The following SCAPER variants were observed in gnomAD, a reference collection of about 807,000 sequenced individuals.
The protein encoded by SCAPER is S-phase cyclin A associated protein in the ER.
SCAPER carries 98 observed loss-of-function variants against 182.2 expected under a neutral mutation model. The observed-to-expected ratio is 0.54, with a 90% CI of 0.46 to 0.64. The LOEUF (loss-of-function observed/expected upper bound fraction) is 0.64. Among genes scored for constraint, SCAPER ranks in the 30% least tolerant of loss-of-function variants. The pLI, the probability that SCAPER is intolerant of heterozygous loss-of-function variation, is 0.00. For synonymous variants in SCAPER, 605 were observed against 564.6 expected (o/e 1.07, Z -1.01); for missense variants, 1,432 against 1,690.0 (o/e 0.85, Z 2.68).
At chr15:76,379,645 C>T (rs1337745990) in intron 28 of SCAPER, 1 of 151,452 alleles carries the variant, frequency 6.6e-6, no homozygotes, top group Non-Finnish European at 1.5e-5. Context: ...TAGTTGGGCA[C>T]AAAGGATTCC....
chr15:76,787,278 A>C (rs1160233511), intron 8 of SCAPER, among the ~76,000 whole-genome samples: 2 of 152,218 alleles, frequency 1.3e-5, no homozygotes, highest in Admixed American at 1.3e-4. Context: ...GGAACAAAAA[A>C]CATATGAAAC....
chr15:76,446,315 C>T (rs191170007), intron 25 of SCAPER, among the ~76,000 whole-genome samples: 5 of 152,018 alleles, frequency 3.3e-5, no homozygotes, highest in Non-Finnish European at 7.4e-5. Flanking sequence ...ACTAAACAAG[C>T]GTGATGGAAG....
intron 26 of SCAPER, among the ~76,000 whole-genome samples, chr15:76,418,884 A>T (rs1384554117): frequency 6.6e-6 from 1 of 152,240 alleles, no homozygotes; most frequent in African/African-American, 2.4e-5. Flanking sequence ...CACATGCCTG[A>T]ACCCAGTCTT....
At chr15:76,756,193 G>A (rs1447971262) in intron 14 of SCAPER, among the ~76,000 whole-genome samples, 10 of 137,398 alleles carry the variant, frequency 7.3e-5, no homozygotes, top group Admixed American at 4.7e-4. Context: ...GCAGTGAGCC[G>A]AGATTGTGCC....
chr15:76,861,160 T>TA (rs1437255175), intron 3 of SCAPER, among the ~76,000 whole-genome samples: 1 of 152,200 alleles, frequency 6.6e-6, no homozygotes. Context: ...ACCAGAGGTA[T>TA]AACATAAGCC....
intron 20 of SCAPER, among the ~76,000 whole-genome samples, chr15:76,690,557 A>T (rs547363844): frequency 7.2e-5 from 11 of 152,308 alleles, no homozygotes; most frequent in South Asian, 6.2e-4. Flanking sequence ...AATTTAACTC[A>T]TGTACCATGG....
intron 21 of SCAPER, among the ~76,000 whole-genome samples, chr15:76,623,046 C>T (rs2052241438): frequency 1.3e-5 from 2 of 152,144 alleles, no homozygotes; most frequent in South Asian, 4.1e-4. Flanking sequence ...GACTGTATGT[C>T]TTCTTTTGAG....
chr15:76,878,217 T>C (rs907990746), intron 2 of SCAPER, among the ~76,000 whole-genome samples: 24 of 152,242 alleles, frequency 1.6e-4, no homozygotes, highest in African/African-American at 5.8e-4. Flanking sequence ...ATATATCATA[T>C]ATGGATGTAT....
At chr15:76,667,564 G>A (rs1241967755) in intron 20 of SCAPER, among the ~76,000 whole-genome samples, 1 of 145,472 alleles carries the variant, frequency 6.9e-6, no homozygotes, top group Non-Finnish European at 1.5e-5. Flanking sequence ...GGTGGAGGTT[G>A]CAGTGAGCCG....
chr15:76,899,536 C>T (rs1341450483), intron 1 of SCAPER, among the ~76,000 whole-genome samples: 2 of 152,238 alleles, frequency 1.3e-5, no homozygotes, highest in Non-Finnish European at 2.9e-5. Context: ...CAGCCACCTG[C>T]CTTGGCCTCC....
chr15:76,567,528 C>A, intron 23 of SCAPER: 1 of 220,270 alleles, frequency 4.5e-6, no homozygotes, highest in South Asian at 5.6e-5. Flanking sequence ...TGCTCTAGTT[C>A]TTTGCCAATA....
intron 1 of SCAPER, among the ~76,000 whole-genome samples, chr15:76,888,468 G>A (rs1034013905): frequency 6.6e-6 from 1 of 152,184 alleles, no homozygotes; most frequent in Admixed American, 6.5e-5. Context: ...GAACAGTGGA[G>A]AGAAGACCTT....
intron 21 of SCAPER, among the ~76,000 whole-genome samples, chr15:76,637,505 T>C (rs539614369): frequency 8.6e-4 from 130 of 151,784 alleles, no homozygotes; most frequent in Non-Finnish European, 1.6e-3. Context: ...GAGACCAGCC[T>C]GGGCAAAACA....
chr15:76,702,363 C>T (rs2059005130), intron 19 of SCAPER, among the ~76,000 whole-genome samples: 1 of 152,150 alleles, frequency 6.6e-6, no homozygotes, highest in South Asian at 2.1e-4. Context: ...AGCACTTTTA[C>T]TGCTATTCCA....
intron 21 of SCAPER, among the ~76,000 whole-genome samples, chr15:76,645,997 T>C (rs2054514392): frequency 6.6e-6 from 1 of 152,184 alleles, no homozygotes; most frequent in African/African-American, 2.4e-5. Flanking sequence ...GGTCAGGCTC[T>C]CTGGTCAATT....
intron 24 of SCAPER, among the ~76,000 whole-genome samples, chr15:76,484,852 A>T (rs753321354): frequency 4.9e-5 from 4 of 81,828 alleles, no homozygotes; most frequent in Admixed American, 1.5e-4. Flanking sequence ...GATAAAGTTC[A>T]ACATCCATTC....
intron 30 of SCAPER, among the ~76,000 whole-genome samples, 184 bp downstream of exon 30, chr15:76,353,765 C>A (rs924534668): frequency 6.6e-6 from 1 of 152,144 alleles, no homozygotes; most frequent in Non-Finnish European, 1.5e-5. Context: ...AACACCCAAT[C>A]GCAGTTCCAG....
At chr15:76,705,336 G>A (rs1264749833) in intron 18 of SCAPER, among the ~76,000 whole-genome samples, 3 of 146,284 alleles carry the variant, frequency 2.1e-5, no homozygotes, top group African/African-American at 7.6e-5. Flanking sequence ...CTCATAGATG[G>A]GAATTGAACA....
At chr15:76,889,006 G>C (rs964897121) in intron 1 of SCAPER, among the ~76,000 whole-genome samples, 1 of 152,198 alleles carries the variant, frequency 6.6e-6, no homozygotes, top group African/African-American at 2.4e-5. Flanking sequence ...AGGCAGAAGA[G>C]AGTAGGGGCC....
Sources: allele counts gnomAD v4.1 joint callset (sites outside exome capture counted in the v4.1 genomes callset), GRCh38; gene constraint gnomAD v4.1.1; transcripts MANE v1.5; gene names NCBI Gene and HGNC (gene_info 2026-07-23, HGNC 2026-07-21).